The following DLGAP2 variants were observed in gnomAD, a reference collection of about 807,000 sequenced individuals.
DLGAP2 encodes the protein DLG associated protein 2, also known as disks large-associated protein 2.
Under a neutral mutation model 100.3 loss-of-function variants are expected in DLGAP2, and 26 were observed. That is an observed-to-expected ratio of 0.26 (90% CI 0.19 to 0.36). The LOEUF (loss-of-function observed/expected upper bound fraction) is 0.36, where lower values mean the gene tolerates loss of function less well. DLGAP2 is among the 10% of genes least tolerant of loss of function. DLGAP2 has a pLI of 1.00. For missense variants in DLGAP2, 1,858 were observed against 1,453.2 expected, an observed-to-expected ratio of 1.28 and a Z score of -4.53; for synonymous variants, 886 against 630.1, an observed-to-expected ratio of 1.41 and a Z score of -6.08.
chr8:911,955 T>C (rs1363187594), intron 2 of DLGAP2, among the ~76,000 whole-genome samples: 2 of 152,350 alleles, frequency 1.3e-5, no homozygotes, highest in African/African-American at 2.4e-5. Flanking sequence ...CACTTCAGAA[T>C]TGCAATGACA....
intron 2 of DLGAP2, among the ~76,000 whole-genome samples, chr8:1,118,725 A>C (rs1288100343): frequency 6.6e-6 from 1 of 152,190 alleles, no homozygotes; most frequent in African/African-American, 2.4e-5. Context: ...CTTGGAGATA[A>C]ATATACATGT....
intron 1 of DLGAP2, among the ~76,000 whole-genome samples, chr8:876,258 A>G (rs1797685893): frequency 6.6e-6 from 1 of 152,192 alleles, no homozygotes; most frequent in Non-Finnish European, 1.5e-5. Context: ...TAATATTATC[A>G]GGGGTCACTT....
intron 2 of DLGAP2, among the ~76,000 whole-genome samples, chr8:1,177,723 G>A (rs1797290482): frequency 6.6e-6 from 1 of 152,144 alleles, no homozygotes; most frequent in African/African-American, 2.4e-5. Context: ...AGATTGAGAT[G>A]CCAGCAGGTT....
chr8:1,111,984 A>G (rs1021920745), intron 2 of DLGAP2, among the ~76,000 whole-genome samples: 2 of 151,986 alleles, frequency 1.3e-5, no homozygotes, highest in Non-Finnish European at 2.9e-5. Context: ...ATCACCACAC[A>G]CTGCTTTCCA....
At chr8:1,260,590 A>T (rs530380292) in intron 3 of DLGAP2, among the ~76,000 whole-genome samples, 16 of 151,372 alleles carry the variant, frequency 1.1e-4, no homozygotes, top group Non-Finnish European at 1.9e-4. Flanking sequence ...GTCCTGGCTC[A>T]GGGATGGATA....
rs564165276 is a variant in DLGAP2 at position 1,627,276 on chromosome 8, G to T, written c.1590+389G>T. ...GCTCTGTCCTCTGAATTGTGCCTCA[G>T]AAAGTCCTGTGAGAGGATAGCCTGG... On this transcript the variant is annotated intron_variant, in intron 7 of 14. Coordinates refer to ENST00000637795, the MANE Select transcript of DLGAP2 (RefSeq NM_001346810.2). Among the ~76,000 whole-genome samples, 29 of 152,336 alleles carry T rather than the reference G, an allele frequency of 1.9e-4. No homozygotes were observed. In the Middle Eastern group the frequency reaches 0.01, roughly 54 times the overall value.
At position 1,571,910 on chromosome 8, in the gene DLGAP2, G is replaced by C. The variant is rs565561317; in HGVS notation, c.1442+6016G>C. 1.3e-3 allele frequency among the ~76,000 whole-genome samples: 172 copies of C among 128,186 alleles called. 2 individuals are homozygous for C. Among genetic ancestry groups the C allele is most frequent in the Non-Finnish European group, 2.4e-3 (148 of 62,132 alleles). The allele number at this position is 128,186 out of a possible 152,430, so 84.1% of individuals were successfully genotyped here. ...GGCGTCTAATGAGATGGAGAGGAGA[G>C]AGGGTAAACTGTGGGGGCGTCTGCT... On this transcript the variant is annotated intron_variant, in intron 6 of 14. Coordinates refer to ENST00000637795, the MANE Select transcript of DLGAP2 (RefSeq NM_001346810.2).
Position 1,683,954 on chromosome 8 carries a change from GTATATATATATATATATATA to G in DLGAP2, c.2704+5340_2704+5359del, listed in dbSNP as rs59220880. ...TATATATGTGTATATATATATGTGT[GTATATATATATATATATATA>G]TATATATATATATACTTTTTTTTTT... On this transcript the variant is annotated intron_variant, in intron 12 of 14. Coordinates refer to ENST00000637795, the MANE Select transcript of DLGAP2 (RefSeq NM_001346810.2). Among the ~76,000 whole-genome samples, 10 of 74,734 alleles carry G rather than the reference GTATATATATATATATATATA, an allele frequency of 1.3e-4. 1 individual carries two copies. The East Asian group carries it at 1.3e-3, about 10-fold the overall frequency. 49.0% of individuals were successfully genotyped at this position (74,734 alleles called of 152,430 possible).
chr8:1,417,233 C>T (rs968287958), intron 3 of DLGAP2, among the ~76,000 whole-genome samples: 2 of 83,528 alleles, frequency 2.4e-5, no homozygotes, highest in Non-Finnish European at 4.8e-5. Context: ...GTCCGTTTGG[C>T]GTCTGAGGTG....
At chr8:816,974 A>G (rs1004293666) in intron 1 of DLGAP2, among the ~76,000 whole-genome samples, 1 of 152,128 alleles carries the variant, frequency 6.6e-6, no homozygotes, top group Non-Finnish European at 1.5e-5. Context: ...CCCTGTCTCT[A>G]CTAAAAATAC....
Position 1,164,116 on chromosome 8 carries a change from GCA to G in DLGAP2, c.74-94734_74-94733del, listed in dbSNP as rs1796949406. On this transcript the variant is annotated intron_variant, in intron 2 of 14. Coordinates refer to ENST00000637795, the MANE Select transcript of DLGAP2 (RefSeq NM_001346810.2). ...TGGGGACAGATTTTTCTGTGAGCCC[GCA>G]GGGCCCGTCATTTTGGTTTGTGGGG... Among the ~76,000 whole-genome samples the G allele has an allele frequency of 5.0e-4, 12 of 23,988 alleles. 2 individuals carry two copies. The highest frequency in any genetic ancestry group is 3.2e-3 in the South Asian group (3 of 944). The allele number at this position is 23,988 out of a possible 152,430, so 15.7% of individuals were successfully genotyped here.
intron 3 of DLGAP2, among the ~76,000 whole-genome samples, chr8:1,317,209 C>G (rs1163328562): frequency 7.7e-6 from 1 of 130,246 alleles, no homozygotes; most frequent in African/African-American, 3.0e-5. Context: ...CAACAGTGGT[C>G]TACACTCGAG....
rs1235440658 is a variant in DLGAP2 at position 1,351,785 on chromosome 8, C to G, written c.106+92902C>G. Among the ~76,000 whole-genome samples, 341 of 44,812 alleles carry G rather than the reference C, an allele frequency of 7.6e-3. 4 individuals are homozygous for G. Among genetic ancestry groups the G allele is most frequent in the East Asian group, 0.039 (15 of 384 alleles). 29.4% of individuals were successfully genotyped at this position (44,812 alleles called of 152,430 possible). A position where few individuals can be genotyped will look rare whatever the true frequency, so the allele number is the denominator to read the frequency against. On this transcript the variant is annotated intron_variant, in intron 3 of 14. Transcript: ENST00000637795. ...TGTGGAAAGGCCGTGCGGGTCCTGA[C>G]TGTGTGTGGAAAGGACGTGCGCGTC...
chr8:763,778 A>T (rs1447101178), intron 1 of DLGAP2, among the ~76,000 whole-genome samples: 3 of 152,210 alleles, frequency 2.0e-5, no homozygotes. Flanking sequence ...AAAACCCGAT[A>T]CTTGGTGGTA....
chr8:961,644 A>C (rs12678114), intron 2 of DLGAP2, among the ~76,000 whole-genome samples: 63,573 of 152,084 alleles, frequency 0.42, 13,810 homozygotes, highest in Admixed American at 0.54. Flanking sequence ...ATTATTAAGA[A>C]ATTAGAATTA....
At chr8:1,428,362 C>T (rs1797296083) in intron 3 of DLGAP2, among the ~76,000 whole-genome samples, 1 of 152,030 alleles carries the variant, frequency 6.6e-6, no homozygotes, top group Admixed American at 6.5e-5. Flanking sequence ...TGCAAATAAA[C>T]TTACTACCAG....
intron 1 of DLGAP2, among the ~76,000 whole-genome samples, chr8:890,028 G>C (rs1450700310): frequency 2.0e-5 from 3 of 152,004 alleles, no homozygotes; most frequent in Non-Finnish European, 4.4e-5. Context: ...TGTTTCTCGG[G>C]TGGCCCCCTC....
intron 3 of DLGAP2, among the ~76,000 whole-genome samples, chr8:1,278,072 CAT>C (rs1038795907): frequency 2.6e-5 from 4 of 152,148 alleles, no homozygotes; most frequent in African/African-American, 9.7e-5. Flanking sequence ...ATTCAGGAGA[CAT>C]GCCTTTCTTT....
chr8:1,537,089 G>A (rs1172995945), intron 4 of DLGAP2, among the ~76,000 whole-genome samples: 1 of 151,940 alleles, frequency 6.6e-6, no homozygotes, highest in African/African-American at 2.4e-5. Context: ...TATGTGGTAT[G>A]TGGTGTGTGG....
Sources: allele counts gnomAD v4.1 joint callset (sites outside exome capture counted in the v4.1 genomes callset), GRCh38; gene constraint gnomAD v4.1.1; transcripts MANE v1.5; gene names NCBI Gene and HGNC (gene_info 2026-07-23, HGNC 2026-07-21).